TNR: variants seen among roughly 807,000 people sequenced by gnomAD.
TNR encodes the protein tenascin R.
In TNR, 45 loss-of-function variants were observed where a neutral mutation model predicts 150.4. The observed-to-expected ratio is 0.30, with a 90% CI of 0.24 to 0.38. The LOEUF (loss-of-function observed/expected upper bound fraction) is 0.38. Ranked by LOEUF, TNR falls within the 10% of genes least tolerant of loss-of-function variation. TNR has a pLI of 1.00. For synonymous variants in TNR, 687 were observed against 678.4 expected, an observed-to-expected ratio of 1.01 and a Z score of -0.20; for missense variants, 1,544 against 1,759.1, an observed-to-expected ratio of 0.88 and a Z score of 2.19.
chr1:175,647,285 C>CA (rs956222449), intron 1 of TNR, among the ~76,000 whole-genome samples: 20 of 152,002 alleles, frequency 1.3e-4, no homozygotes, highest in Admixed American at 7.2e-4. Context: ...ACCACATGCA[C>CA]AAAAAATGGT....
chr1:175,374,642 T>C lies in TNR; in HGVS notation c.1963+4910A>G, dbSNP rs535999597. Among the ~76,000 whole-genome samples, 20 of 152,318 alleles carry C rather than the reference T, an allele frequency of 1.3e-4. No individual in the cohort carries two copies. In the South Asian group the frequency reaches 3.5e-3, roughly 27 times the overall value. Reference sequence around the variant, plus strand: ...TATGTTGTATCACATCTGTAGAAACTGTAAAGCTTCTGGATTTCCTAGGCC... The same window carrying C: ...TATGTTGTATCACATCTGTAGAAACCGTAAAGCTTCTGGATTTCCTAGGCC... On this transcript the variant is annotated intron_variant, in intron 9 of 22. Coordinates refer to ENST00000367674, the MANE Select transcript of TNR (RefSeq NM_003285.3).
Position 175,504,347 on chromosome 1 carries a change from G to T in TNR, c.-64+23922C>A, listed in dbSNP as rs570932920. ...CATTAGTATCTGTTGTATAGATGTG[G>T]ACACTGAGGCTTCAAGAGGTTGGAT... On this transcript the variant is annotated intron_variant, in intron 2 of 22. Coordinates refer to ENST00000367674, the MANE Select transcript of TNR (RefSeq NM_003285.3). Among the ~76,000 whole-genome samples the T allele has an allele frequency of 2.0e-5, 3 of 152,158 alleles. No individual in the cohort carries two copies. In the East Asian group the frequency reaches 5.8e-4, roughly 29 times the overall value.
intron 1 of TNR, among the ~76,000 whole-genome samples, chr1:175,653,934 C>A (rs1665093691): frequency 6.6e-6 from 1 of 151,984 alleles, no homozygotes; most frequent in East Asian, 1.9e-4. Context: ...CTCATTTTTG[C>A]TTGTGTAAGT....
At chr1:175,559,939 G>A (rs1661355682) in intron 1 of TNR, among the ~76,000 whole-genome samples, 1 of 152,208 alleles carries the variant, frequency 6.6e-6, no homozygotes, top group South Asian at 2.1e-4. Context: ...GAAGTTCTGG[G>A]TTGTCAGGAA....
chr1:175,404,245 A>G (rs1653850418), intron 3 of TNR, among the ~76,000 whole-genome samples: 1 of 152,210 alleles, frequency 6.6e-6, no homozygotes, highest in African/African-American at 2.4e-5. Flanking sequence ...AAGGAGGTAT[A>G]GGCTGAGCAC....
chr1:175,687,458 A>G (rs1571752558), intron 1 of TNR, among the ~76,000 whole-genome samples: 1 of 152,220 alleles, frequency 6.6e-6, no homozygotes, highest in Non-Finnish European at 1.5e-5. Context: ...ACACCCACTG[A>G]AAGGAAGCAT....
chr1:175,371,135 T>C (rs1288060987), intron 9 of TNR, among the ~76,000 whole-genome samples: 1 of 151,708 alleles, frequency 6.6e-6, no homozygotes, highest in Non-Finnish European at 1.5e-5. Flanking sequence ...CTCTGAGTAC[T>C]CCTAGGGATT....
intron 18 of TNR, among the ~76,000 whole-genome samples, chr1:175,347,656 G>C (rs926629201): frequency 1.3e-5 from 2 of 152,036 alleles, no homozygotes; most frequent in African/African-American, 4.8e-5. Context: ...TCGACCACCT[G>C]ACCTCAAGTG....
chr1:175,444,495 T>C (rs1655945708), intron 2 of TNR, among the ~76,000 whole-genome samples: 1 of 152,256 alleles, frequency 6.6e-6, no homozygotes, highest in South Asian at 2.1e-4. Flanking sequence ...CAGAGCTTCC[T>C]GAGCCCTGGT....
intron 2 of TNR, among the ~76,000 whole-genome samples, chr1:175,426,758 G>T (rs550298445): frequency 1.5e-5 from 2 of 133,822 alleles, no homozygotes; most frequent in Admixed American, 1.6e-4. Flanking sequence ...CTATACACGC[G>T]TGTGTGTGTA....
intron 2 of TNR, among the ~76,000 whole-genome samples, chr1:175,514,377 T>C (rs1022534932): frequency 6.6e-6 from 1 of 152,128 alleles, no homozygotes; most frequent in Non-Finnish European, 1.5e-5. Flanking sequence ...CCAGAAAGAA[T>C]GCAGCCCTGC....
intron 2 of TNR, among the ~76,000 whole-genome samples, chr1:175,518,202 T>C (rs1659491987): frequency 6.6e-6 from 1 of 152,344 alleles, no homozygotes; most frequent in Non-Finnish European, 1.5e-5. Flanking sequence ...GAACAAAATT[T>C]AGATTGCAAG....
intron 1 of TNR, among the ~76,000 whole-genome samples, chr1:175,684,565 G>T (rs112372751): frequency 2.6e-5 from 4 of 152,304 alleles, no homozygotes; most frequent in African/African-American, 9.6e-5. Flanking sequence ...GGTGACAAAG[G>T]CTAGGACTGT....
chr1:175,547,522 C>T (rs1422323009), intron 1 of TNR, among the ~76,000 whole-genome samples: 1 of 150,602 alleles, frequency 6.6e-6, no homozygotes, highest in African/African-American at 2.5e-5. Flanking sequence ...GGATGGGTGG[C>T]ATGCTTTCTC....
rs78375742 is a variant in TNR, at chr1:175,502,536, C to T, written c.-64+25733G>A. On this transcript the variant is annotated intron_variant, in intron 2 of 22. Coordinates refer to ENST00000367674, the MANE Select transcript of TNR (RefSeq NM_003285.3). The stretch of plus-strand genomic sequence containing the variant: ...CTTCCTGTAGGGTTGACTGAGGCCT[C>T]AGTTAAAGCCACATACAAATCAGTT... 6.1e-3 allele frequency among the ~76,000 whole-genome samples: 931 copies of T among 152,220 alleles called. 12 individuals carry two copies. The highest frequency in any genetic ancestry group is 0.021 in the African/African-American group (876 of 41,536).
chr1:175,360,412 C>A (rs1355448174), intron 14 of TNR, among the ~76,000 whole-genome samples: 1 of 152,190 alleles, frequency 6.6e-6, no homozygotes, highest in African/African-American at 2.4e-5. Flanking sequence ...TTCTTCCAGG[C>A]TTAGGTAGGT....
intron 1 of TNR, among the ~76,000 whole-genome samples, chr1:175,707,531 A>G (rs1423546485): frequency 6.6e-6 from 1 of 152,232 alleles, no homozygotes; most frequent in African/African-American, 2.4e-5. Flanking sequence ...CAAACTGTCC[A>G]AAAGGTAGTT....
chr1:175,690,010 T>A (rs1666313817), intron 1 of TNR, among the ~76,000 whole-genome samples: 1 of 152,228 alleles, frequency 6.6e-6, no homozygotes, highest in African/African-American at 2.4e-5. Flanking sequence ...GGTACTGCTA[T>A]TTAACAAATG....
intron 1 of TNR, among the ~76,000 whole-genome samples, chr1:175,732,898 T>C (rs991125800): frequency 1.3e-5 from 2 of 152,208 alleles, no homozygotes; most frequent in Non-Finnish European, 2.9e-5. Context: ...GTTTTTGTCA[T>C]GTAGATGTTA....
Sources: allele counts gnomAD v4.1 joint callset (sites outside exome capture counted in the v4.1 genomes callset), GRCh38; gene constraint gnomAD v4.1.1; transcripts MANE v1.5; gene names NCBI Gene and HGNC (gene_info 2026-07-23, HGNC 2026-07-21).